Variants in LRTM3 observed in about 807,000 individuals in gnomAD.
LRTM3 encodes the protein leucine rich repeat transmembrane protein 3, also known as leucine-rich repeat transmembrane protein 3.
the LRTM3 span, chr13:102,739,578 CT>C: frequency 6.5e-7 from 1 of 1,550,270 alleles, no homozygotes; most frequent in Non-Finnish European, 8.7e-7. Context: ...ATCTTGCCCT[CT>C]TGTTTTATAA....
At chr13:102,755,960 T>C in the LRTM3 span, among the ~76,000 whole-genome samples, 30 of 98,664 alleles carry the variant, frequency 3.0e-4, no homozygotes, top group Middle Eastern at 0.014. Flanking sequence ...TATATATATA[T>C]ATTTTTTTTT....
At chr13:102,749,593 T>C in the LRTM3 span, 10 of 1,551,452 alleles carry the variant, frequency 6.4e-6, no homozygotes, top group South Asian at 2.4e-5. Flanking sequence ...CAACAAAATG[T>C]TGGTTCCTAT....
At chr13:102,730,240 A>C in the LRTM3 span, 1 of 1,551,404 alleles carries the variant, frequency 6.4e-7, no homozygotes, top group South Asian at 1.2e-5. Context: ...TTTCCAAAGG[A>C]ATGCCTGTCT....
chr13:102,750,689 A>C, the LRTM3 span, among the ~76,000 whole-genome samples: 1 of 152,192 alleles, frequency 6.6e-6, no homozygotes, highest in Non-Finnish European at 1.5e-5. Context: ...ATATTATTTT[A>C]CAAGGAATAT....
chr13:102,741,469 A>G, the LRTM3 span: 1 of 1,549,718 alleles, frequency 6.5e-7, no homozygotes, highest in East Asian at 2.4e-5. Flanking sequence ...CAAATATATC[A>G]GTTTCCTTTA....
the LRTM3 span, chr13:102,732,774 C>G: frequency 1.3e-6 from 2 of 1,551,336 alleles, no homozygotes; most frequent in Non-Finnish European, 1.7e-6. Context: ...AGATGTAAAG[C>G]TCTGTTTGTG....
At chr13:102,737,362 C>T in the LRTM3 span, 1 of 1,550,800 alleles carries the variant, frequency 6.4e-7, no homozygotes, top group Non-Finnish European at 8.7e-7. Flanking sequence ...TTCTTGTGTT[C>T]AATTCATAAC....
chr13:102,758,884 C>T, the LRTM3 span: 1 of 1,548,872 alleles, frequency 6.5e-7, no homozygotes, highest in Admixed American at 2.0e-5. Flanking sequence ...GTATTATCTT[C>T]CAGTCCACTC....
the LRTM3 span, chr13:102,732,295 C>T: frequency 3.9e-6 from 6 of 1,551,200 alleles, no homozygotes; most frequent in African/African-American, 4.1e-5. Context: ...CTTTACTCCA[C>T]GAAGCTATGT....
chr13:102,738,971 A>G, the LRTM3 span: 45 of 1,550,376 alleles, frequency 2.9e-5, no homozygotes, highest in South Asian at 1.9e-4. Context: ...TGCTTTTTCA[A>G]TACTGCTTAA....
At chr13:102,747,270 G>T in the LRTM3 span, 1 of 1,548,940 alleles carries the variant, frequency 6.5e-7, no homozygotes, top group South Asian at 1.2e-5. Flanking sequence ...GACATGGGAG[G>T]GTAAATAACA....
the LRTM3 span, chr13:102,739,194 T>C: frequency 3.9e-5 from 61 of 1,549,868 alleles, no homozygotes; most frequent in Middle Eastern, 1.7e-4. Context: ...TTCTCTAGTT[T>C]TTTATTGCTC....
chr13:102,731,880 G>A, the LRTM3 span: 110 of 1,549,284 alleles, frequency 7.1e-5, no homozygotes, highest in African/African-American at 4.9e-4. Context: ...GTCAGAATGC[G>A]TTTTAGAATC....
the LRTM3 span, chr13:102,748,570 C>G: frequency 6.4e-7 from 1 of 1,550,616 alleles, no homozygotes; most frequent in Non-Finnish European, 8.7e-7. Context: ...TTCTATTGTT[C>G]GATTCCATTT....
chr13:102,747,911 T>A, the LRTM3 span: 25 of 1,551,162 alleles, frequency 1.6e-5, no homozygotes, highest in Non-Finnish European at 2.0e-5. Context: ...TTGCTTTAGA[T>A]GTATGCTGAA....
At chr13:102,752,326 CTA>C in the LRTM3 span, among the ~76,000 whole-genome samples, 5 of 152,308 alleles carry the variant, frequency 3.3e-5, no homozygotes, top group South Asian at 1.0e-3. Flanking sequence ...AGCTTATTGA[CTA>C]TGAGTATTAT....
At chr13:102,741,012 T>C in the LRTM3 span, 1 of 1,550,154 alleles carries the variant, frequency 6.5e-7, no homozygotes, top group South Asian at 1.2e-5. Context: ...TGTGATGCTT[T>C]CTCTACCATT....
At chr13:102,731,883 T>G in the LRTM3 span, 1 of 1,549,354 alleles carries the variant, frequency 6.5e-7, no homozygotes, top group African/African-American at 1.4e-5. Context: ...AGAATGCGTT[T>G]TAGAATCTTT....
the LRTM3 span, chr13:102,732,951 A>G: frequency 6.4e-7 from 1 of 1,551,468 alleles, no homozygotes; most frequent in Non-Finnish European, 8.7e-7. Context: ...TTCGGAAGAA[A>G]TTCCAGAACA....
Sources: allele counts gnomAD v4.1 joint callset (sites outside exome capture counted in the v4.1 genomes callset), GRCh38; gene constraint gnomAD v4.1.1; transcripts MANE v1.5; gene names NCBI Gene and HGNC (gene_info 2026-07-23, HGNC 2026-07-21).